LMAN1L: variants seen among roughly 807,000 people sequenced by gnomAD.
LMAN1L encodes lectin, mannose binding 1 like, also known as protein ERGIC-53-like.
LMAN1L carries 60 observed loss-of-function variants against 58.3 expected under a neutral mutation model. The observed-to-expected ratio is 1.03, with a 90% CI of 0.84 to 1.27. LMAN1L has a LOEUF of 1.27. Ranked by LOEUF, LMAN1L falls within the 50% of genes most tolerant of loss-of-function variation. LMAN1L has a pLI of 0.00. For synonymous variants in LMAN1L, 280 were observed against 271.6 expected (o/e 1.03, Z -0.31); for missense variants, 629 against 674.0 (o/e 0.93, Z 0.74).
chr15:74,820,892 C>T, intron 8 of LMAN1L, 125 bp downstream of exon 8: 1 of 1,398,630 alleles, frequency 7.1e-7, no homozygotes, highest in Non-Finnish European at 9.6e-7. Context: ...CTAAGCAGGC[C>T]CTGGGCCCAA....
intron 12 of LMAN1L, chr15:74,824,119 C>T: frequency 1.7e-6 from 1 of 588,612 alleles, no homozygotes; most frequent in South Asian, 2.2e-5. Flanking sequence ...CCCTGGGCCC[C>T]TTGATGATCC....
At chr15:74,819,443 G>C (rs1406445274) in intron 6 of LMAN1L, 171 bp downstream of exon 6, 1 of 826,148 alleles carries the variant, frequency 1.2e-6, no homozygotes, top group Non-Finnish European at 1.8e-6. Context: ...GTCTCAAATG[G>C]GATAAAACAA....
intron 10 of LMAN1L, 66 bp downstream of exon 10, chr15:74,821,966 C>T (rs1000012172): frequency 1.2e-5 from 14 of 1,146,992 alleles, no homozygotes; most frequent in Non-Finnish European, 1.7e-5. Context: ...CTGGGAGAAC[C>T]AGGGCAGAGA....
chr15:74,818,785 G>A lies in LMAN1L; in HGVS notation c.565G>A (p.Ala189Thr). 1.2e-6 allele frequency: 2 copies of A among 1,611,586 alleles called. No individual in the cohort carries two copies. The highest frequency in any genetic ancestry group is 1.7e-4 in the Middle Eastern group (1 of 6,054). ...DFRNRPHPFR[A>T]RITYWGQRLR... The stretch of plus-strand genomic sequence containing the variant: ...CCGGAACCGGCCACACCCCTTCAGA[G>A]CACGGATCACCTACTGGGGGCAGAG... The change falls in exon 5 of 14, where the codon GCA (alanine) becomes ACA (threonine). Residue 189 changes from alanine to threonine, a missense_variant. Ala to Thr is a moderately conservative substitution (Grantham distance 58). This residue lies in a region of LMAN1L where 573 missense variants were observed against 597.3 expected (regional missense o/e 0.96). Coordinates refer to ENST00000309664, the MANE Select transcript of LMAN1L (RefSeq NM_021819.3).
In LMAN1L at chr15:74,823,676, C is replaced by A. The variant is rs745667741; in HGVS notation, c.1317C>A (p.Gly439=). 1.2e-6 allele frequency: 2 copies of A among 1,613,208 alleles called. No homozygotes were observed. Among genetic ancestry groups the A allele is most frequent in the South Asian group, 2.2e-5 (2 of 91,058 alleles). ...ILGLLQEELR[G]PAKAAAKAPR... is the part of the protein sequence containing the mutation. ...GCCTCCTGCAGGAGGAGCTTCGGGG[C>A]CCGGCGGTGAGGGGAAAGTAGTGGG... The change falls in exon 12 of 14, where the codon GGC becomes GGA. Residue 439 remains glycine, a synonymous_variant. Coordinates refer to ENST00000309664, the MANE Select transcript of LMAN1L (RefSeq NM_021819.3).
rs893372967 is a variant in LMAN1L at position 74,812,916 on chromosome 15, A to C, written c.62A>C (p.His21Pro). 6.2e-7 allele frequency: 1 copy of C among 1,613,818 alleles called. No individual in the cohort carries two copies. The highest frequency in any genetic ancestry group is 2.2e-5 in the East Asian group (1 of 44,870). Residue 21 changes from histidine to proline, a missense_variant, in exon 1 of 14, where the codon CAC becomes CCC. Physicochemically the swap from His to Pro is moderately conservative, Grantham distance 77. Coordinates refer to ENST00000309664, the MANE Select transcript of LMAN1L (RefSeq NM_021819.3). ...CTTCTCCTCCTGCTCCTGGACCCCCACAGCCCTGAGACGGGGTGTCCTCCT... is the reference window on the plus strand; with the variant it reads ...CTTCTCCTCCTGCTCCTGGACCCCCCCAGCCCTGAGACGGGGTGTCCTCCT... ...FCLLLLLLDP[H>P]SPETGCPPLR...
chr15:74,818,674 G>A lies in LMAN1L; in HGVS notation c.498-44G>A, dbSNP rs1036874099. 4 of 1,461,352 alleles carry A rather than the reference G, an allele frequency of 2.7e-6. No homozygotes were observed. The East Asian group carries it at 9.6e-5, about 35-fold the overall frequency. The allele number at this position is 1,461,352 out of a possible 1,614,324, so 90.5% of individuals were successfully genotyped here. A position where few individuals can be genotyped will look rare whatever the true frequency, so the allele number is the denominator to read the frequency against. On this transcript the variant is annotated intron_variant, in intron 4 of 13. Transcript: ENST00000309664. ...GCACCACTGCACTCCAGCCTGGGCA[G>A]CGACTCTTTCTCAAAAACAAACAAA...
chr15:74,820,648 C>T lies in LMAN1L; in HGVS notation c.788C>T (p.Pro263Leu). 1.2e-6 allele frequency: 2 copies of T among 1,614,010 alleles called. No individual in the cohort carries two copies. Among genetic ancestry groups the T allele is most frequent in the South Asian group, 2.2e-5 (2 of 91,082 alleles). Residue 263 changes from proline to leucine, a missense_variant, in exon 8 of 14, where the codon CCC becomes CTC. This residue lies in a region of LMAN1L where 573 missense variants were observed against 597.3 expected (regional missense o/e 0.96). Transcript: ENST00000309664. ...SEPSPEVPPQ[P>L]FLEMQQLRLA... Reference sequence around the variant, plus strand: ...TTCCTCCCCTAGGTTCCCCCTCAGCCCTTCCTGGAGATGCAGCAGCTCCGC... The same window carrying T: ...TTCCTCCCCTAGGTTCCCCCTCAGCTCTTCCTGGAGATGCAGCAGCTCCGC...
chr15:74,816,894 A>G (rs546076655), intron 4 of LMAN1L, among the ~76,000 whole-genome samples: 33 of 152,260 alleles, frequency 2.2e-4, no homozygotes, highest in South Asian at 4.1e-4. Context: ...GTGAAATGAC[A>G]CAGGCTGGGG....
intron 4 of LMAN1L, among the ~76,000 whole-genome samples, chr15:74,818,404 G>A (rs1030809638): frequency 2.0e-5 from 3 of 152,106 alleles, no homozygotes; most frequent in African/African-American, 7.2e-5. Context: ...GATTCCAACT[G>A]CCCACAAGAG....
rs952582496 is a variant in LMAN1L at position 74,823,687 on chromosome 15, G to A, written c.1323+5G>A. ...GAGGAGCTTCGGGGCCCGGCGGTGAGGGGAAAGTAGTGGGCAGCATGGGGT... is the reference window on the plus strand; with the variant it reads ...GAGGAGCTTCGGGGCCCGGCGGTGAAGGGAAAGTAGTGGGCAGCATGGGGT... On this transcript the variant is annotated splice_donor_5th_base_variant and intron_variant, in intron 12 of 13. Transcript: ENST00000309664. The A allele has an allele frequency of 1.2e-6, 2 of 1,612,334 alleles. No individual in the cohort carries two copies. Among genetic ancestry groups the A allele is most frequent in the Admixed American group, 1.7e-5 (1 of 59,968 alleles).
chr15:74,824,042 C>T (rs1050648088), intron 12 of LMAN1L: 37 of 495,312 alleles, frequency 7.5e-5, no homozygotes, highest in African/African-American at 3.8e-5. Flanking sequence ...GTCCCATCCT[C>T]GTTCCCTCGC....
intron 1 of LMAN1L, among the ~76,000 whole-genome samples, chr15:74,815,290 G>T (rs925875765): frequency 1.3e-5 from 2 of 152,198 alleles, no homozygotes; most frequent in Non-Finnish European, 2.9e-5. Flanking sequence ...AGAGCAAACA[G>T]GCTGGATTAG....
At chr15:74,823,538 T>C in intron 11 of LMAN1L, 21 bp from the exon 12 acceptor site, 3 of 1,613,242 alleles carry the variant, frequency 1.9e-6, no homozygotes, top group Non-Finnish European at 8.5e-7. Flanking sequence ...GTCATCTTAC[T>C]TGGTTACCAC....
rs199986535 is a variant in LMAN1L, at chr15:74,824,351, A to G, written c.1324A>G (p.Lys442Glu). The change falls in exon 13 of 14, where the codon AAG (lysine) becomes GAG (glutamate). Residue 442 changes from lysine to glutamate, a missense_variant and splice_region_variant. This residue lies in a region of LMAN1L where 573 missense variants were observed against 597.3 expected (regional missense o/e 0.96). Transcript: ENST00000309664. Reference protein sequence around the residue: ...LLQEELRGPAKAAAKAPRPPG... With the variant: ...LLQEELRGPAEAAAKAPRPPG... ...AGGACCTTAGACTTTCCCCTTTCAG[A>G]AGGCAGCAGCCAAGGCCCCCCGCCC... The G allele has an allele frequency of 6.2e-7, 1 of 1,613,780 alleles. No individual in the cohort carries two copies. Among genetic ancestry groups the G allele is most frequent in the Admixed American group, 1.7e-5 (1 of 59,998 alleles).
intron 1 of LMAN1L, among the ~76,000 whole-genome samples, chr15:74,815,008 G>C (rs1474466937): frequency 6.6e-6 from 1 of 152,182 alleles, no homozygotes; most frequent in Non-Finnish European, 1.5e-5. Flanking sequence ...GATCATGTGA[G>C]GGAGCAGAGG....
chr15:74,812,865 T>A lies in LMAN1L; in HGVS notation c.11T>A (p.Val4Asp). MPA[V>D]SGPGPLFCLL... ...TCAGGCGCCTTCACGATGCCGGCGGTCAGTGGTCCAGGTCCCTTATTCTGC... is the reference window on the plus strand; with the variant it reads ...TCAGGCGCCTTCACGATGCCGGCGGACAGTGGTCCAGGTCCCTTATTCTGC... The change falls in exon 1 of 14, where the codon GTC (valine) becomes GAC (aspartate). Residue 4 changes from valine to aspartate, a missense_variant. Val to Asp is a radical substitution (Grantham distance 152, BLOSUM62 -3). This residue lies in a region of LMAN1L where 573 missense variants were observed against 597.3 expected (regional missense o/e 0.96). Coordinates refer to ENST00000309664, the MANE Select transcript of LMAN1L (RefSeq NM_021819.3). 1 of 1,598,262 alleles carries A rather than the reference T, an allele frequency of 6.3e-7. No individual in the cohort carries two copies. The highest frequency in any genetic ancestry group is 8.5e-7 in the Non-Finnish European group (1 of 1,171,200).
In LMAN1L at chr15:74,824,350, G is replaced by A; in HGVS notation, c.1324-1G>A. 1 of 1,613,718 alleles carries A rather than the reference G, an allele frequency of 6.2e-7. No homozygotes were observed. Among genetic ancestry groups the A allele is most frequent in the Non-Finnish European group, 8.5e-7 (1 of 1,179,776 alleles). ...TAGGACCTTAGACTTTCCCCTTTCA[G>A]AAGGCAGCAGCCAAGGCCCCCCGCC... On this transcript the variant is annotated splice_acceptor_variant, in intron 12 of 13. Transcript: ENST00000309664. LOFTEE classifies it high-confidence loss of function.
chr15:74,824,541 C>CT, intron 13 of LMAN1L, 63 bp downstream of exon 13: 1 of 1,592,074 alleles, frequency 6.3e-7, no homozygotes, highest in South Asian at 1.1e-5. Context: ...CAGCTATAAC[C>CT]ATTGGATTTA....
Sources: allele counts gnomAD v4.1 joint callset (sites outside exome capture counted in the v4.1 genomes callset), GRCh38; gene constraint gnomAD v4.1.1; regional missense constraint gnomAD v4.1.1; transcripts MANE v1.5; gene names NCBI Gene and HGNC (gene_info 2026-07-23, HGNC 2026-07-21).